CSNK1G2: variants seen among roughly 807,000 people sequenced by gnomAD.
The protein encoded by CSNK1G2 is casein kinase 1 gamma 2, also known as casein kinase I isoform gamma-2.
In CSNK1G2, 11 loss-of-function variants were observed where a neutral mutation model predicts 48.0. That is an observed-to-expected ratio of 0.23 (90% CI 0.14 to 0.38). The LOEUF is 0.38. Among genes scored for constraint, CSNK1G2 ranks in the 10% least tolerant of loss-of-function variants. The pLI is 1.00. For missense variants in CSNK1G2, 446 were observed against 595.5 expected (o/e 0.75, Z 2.61); for synonymous variants, 337 against 254.1 (o/e 1.33, Z -3.10).
Position 1,980,254 on chromosome 19 carries a change from G to C in CSNK1G2, c.*51G>C. ...TCTTCTCCGTGCAGCCCCTTGGGGC[G>C]CGACCTTGTGCGAGGCCCTCGGGGC... On this transcript the variant is annotated 3_prime_UTR_variant, in exon 12 of 12. Transcript: ENST00000255641. 1 of 1,602,874 alleles carries C rather than the reference G, an allele frequency of 6.2e-7. No homozygotes were observed. The highest frequency in any genetic ancestry group is 8.5e-7 in the Non-Finnish European group (1 of 1,172,068).
chr19:1,955,497 G>A (rs1010261519), intron 1 of CSNK1G2, among the ~76,000 whole-genome samples: 5 of 147,484 alleles, frequency 3.4e-5, no homozygotes, highest in East Asian at 1.9e-4. Flanking sequence ...GAGGCTCCGC[G>A]GGGTGGGCGT....
At chr19:1,955,427 C>T (rs535670058) in intron 1 of CSNK1G2, among the ~76,000 whole-genome samples, 47 of 151,090 alleles carry the variant, frequency 3.1e-4, no homozygotes, top group African/African-American at 1.1e-3. Context: ...TCCCGTTTTC[C>T]ACTGGGCTGC....
chr19:1,980,085 C>G (rs1193965739), intron 11 of CSNK1G2, 64 bp from the exon 12 acceptor site: 1 of 1,603,618 alleles, frequency 6.2e-7, no homozygotes, highest in African/African-American at 1.3e-5. Flanking sequence ...GTGGGAGGGC[C>G]TGAGGCCTGG....
intron 1 of CSNK1G2, among the ~76,000 whole-genome samples, chr19:1,946,265 C>T (rs368917370): frequency 4.3e-4 from 49 of 114,450 alleles, no homozygotes; most frequent in East Asian, 1.2e-3. Context: ...ACTATTTATT[C>T]GTTTATTTAT....
chr19:1,969,957 T>G lies in CSNK1G2; in HGVS notation c.185T>G (p.Leu62Arg). Residue 62 changes from leucine (L) to arginine (R), a missense_variant and splice_region_variant, in exon 2 of 12, where the codon CTA becomes CGA. Leu to Arg is a moderately radical substitution (Grantham distance 102). Coordinates refer to ENST00000255641, the MANE Select transcript of CSNK1G2 (RefSeq NM_001319.7). ...TGCGGCAACTTCGGGGAGCTCCGCC[T>G]AGGTGAGGCCCTGCTCGGTGGTAGG... ...IGCGNFGELR[L>R]GKNLYTNEYV... is the part of the protein sequence containing the mutation. 1 of 1,306,512 alleles carries G rather than the reference T, an allele frequency of 7.7e-7. No homozygotes were observed. Among genetic ancestry groups the G allele is most frequent in the Non-Finnish European group, 9.8e-7 (1 of 1,021,664 alleles). 80.9% of individuals were successfully genotyped at this position (1,306,512 alleles called of 1,614,324 possible). A position where few individuals can be genotyped will look rare whatever the true frequency, so the allele number is the denominator to read the frequency against.
At chr19:1,950,518 A>G (rs112679044) in intron 1 of CSNK1G2, among the ~76,000 whole-genome samples, 2,141 of 146,884 alleles carry the variant, frequency 0.015, 354 homozygotes, top group African/African-American at 0.053. Flanking sequence ...TCTGAAGAAG[A>G]TGTTCTTTCA....
At chr19:1,948,554 A>AAAAAC (rs5826751) in intron 1 of CSNK1G2, among the ~76,000 whole-genome samples, 2 of 142,294 alleles carry the variant, frequency 1.4e-5, no homozygotes, top group Non-Finnish European at 3.0e-5. Context: ...AAAAAAAAAA[A>AAAAAC]GATCCCGTCA....
chr19:1,965,764 G>T (rs559611071), intron 1 of CSNK1G2, among the ~76,000 whole-genome samples: 2 of 152,020 alleles, frequency 1.3e-5, no homozygotes, highest in Non-Finnish European at 2.9e-5. Context: ...CTCCCAAAGT[G>T]CTGGGACTAC....
At chr19:1,979,453 A>ACCCCCCCCCCCC in intron 8 of CSNK1G2, 42 bp from the exon 9 acceptor site, 1 of 350,942 alleles carries the variant, frequency 2.8e-6, no homozygotes, top group Non-Finnish European at 4.5e-6. Flanking sequence ...CCCACCCCCC[A>ACCCCCCCCCCCC]CCCCCACCCC....
chr19:1,952,800 A>C (rs957092258), intron 1 of CSNK1G2: 3 of 324,944 alleles, frequency 9.2e-6, no homozygotes, highest in Admixed American at 5.2e-5. Context: ...CCCAGGACCA[A>C]GCCCTCTCGC....
chr19:1,960,288 C>T (rs756344930), intron 1 of CSNK1G2, among the ~76,000 whole-genome samples: 30 of 152,262 alleles, frequency 2.0e-4, no homozygotes, highest in Non-Finnish European at 3.5e-4. Flanking sequence ...TACCCGGCTT[C>T]TGCACGCAGT....
intron 2 of CSNK1G2, chr19:1,975,293 T>C (rs2015715158): frequency 1.0e-6 from 1 of 985,378 alleles, no homozygotes; most frequent in Non-Finnish European, 1.2e-6. Context: ...AGAGGGACGG[T>C]GTAGCACACA....
chr19:1,979,594 G>A lies in CSNK1G2; in HGVS notation c.953G>A (p.Arg318His), dbSNP rs749970052. The A allele has an allele frequency of 1.1e-5, 18 of 1,607,254 alleles. No homozygotes were observed. The highest frequency in any genetic ancestry group is 4.5e-5 in the East Asian group (2 of 44,888). Residue 318 changes from arginine (R) to histidine (H), a missense_variant, in exon 9 of 12, where the codon CGC (arginine) becomes CAC (histidine). Around this residue, in one of 2 missense-constraint regions of CSNK1G2, gnomAD observed 188 missense variants for 179.6 expected, o/e 1.05. Transcript: ENST00000255641. ...AAGCTCTTCACCGACCTCTTCGACC[G>A]CAGTGGCTTCGTGTTCGACTATGAG... is the stretch of plus-strand genomic sequence containing the variant. The part of the protein sequence containing the change: ...LRKLFTDLFD[R>H]SGFVFDYEYD...
At chr19:1,980,074 G>A in intron 11 of CSNK1G2, 57 bp downstream of exon 11, 3 of 1,599,064 alleles carry the variant, frequency 1.9e-6, no homozygotes, top group Non-Finnish European at 2.6e-6. Context: ...TCCCCATGGG[G>A]GTGGGAGGGC....
intron 1 of CSNK1G2, among the ~76,000 whole-genome samples, chr19:1,955,911 C>T (rs2145524886): frequency 6.6e-6 from 1 of 152,324 alleles, no homozygotes; most frequent in Admixed American, 6.5e-5. Context: ...GTAGCAACCC[C>T]AACCTGCCTG....
At chr19:1,958,734 C>A (rs1366345680) in intron 1 of CSNK1G2, among the ~76,000 whole-genome samples, 2 of 54,322 alleles carry the variant, frequency 3.7e-5, no homozygotes, top group South Asian at 1.1e-3. Context: ...GTCCCCCCAT[C>A]CAGGGCCGCA....
At chr19:1,962,218 G>A (rs1287318376) in intron 1 of CSNK1G2, among the ~76,000 whole-genome samples, 1 of 152,030 alleles carries the variant, frequency 6.6e-6, no homozygotes, top group African/African-American at 2.4e-5. Context: ...TGTAGTCCCA[G>A]CTACTCGGGA....
In CSNK1G2 at chr19:1,978,439, C is replaced by T. The variant is rs2145596045; in HGVS notation, c.229-3C>T. On this transcript the variant is annotated splice_polypyrimidine_tract_variant and splice_region_variant and intron_variant, in intron 3 of 11. Coordinates refer to ENST00000255641, the MANE Select transcript of CSNK1G2 (RefSeq NM_001319.7). The surrounding 1 kb of genome is among the most constrained non-coding windows in gnomAD (Gnocchi z 7.3). ...CCCTGGTGACTCGCTCTTGTGCCCC[C>T]AGGAGCCGATCAAGTCCCGGGCCCC... 3 of 1,610,498 alleles carry T rather than the reference C, an allele frequency of 1.9e-6. No homozygotes were observed. Among genetic ancestry groups the T allele is most frequent in the Non-Finnish European group, 1.7e-6 (2 of 1,178,976 alleles).
At chr19:1,953,531 A>G (rs756725103) in intron 1 of CSNK1G2, 12 of 527,330 alleles carry the variant, frequency 2.3e-5, no homozygotes, top group Admixed American at 1.4e-4. Context: ...AATTGCCCCT[A>G]TGTGGACTAG....
Sources: gnomAD v4.1 joint callset for allele counts (sites outside exome capture counted in the v4.1 genomes callset) on GRCh38, gnomAD v4.1.1 for gene constraint, gnomAD v4.1.1 regional missense constraint, Gnocchi (gnomAD v3.1) non-coding constraint, MANE v1.5 for transcripts, NCBI Gene and HGNC (gene_info 2026-07-23, HGNC 2026-07-21) for gene names.